Variants in STS observed in about 807,000 individuals in gnomAD.
STS encodes the protein steryl-sulfatase.
Under a neutral mutation model 26.8 loss-of-function variants are expected in STS, and 7 were observed. The observed-to-expected ratio is 0.26, with a 90% CI of 0.15 to 0.49. The LOEUF (loss-of-function observed/expected upper bound fraction) is 0.49. STS is among the 20% of genes least tolerant of loss of function. The pLI, the probability that STS is intolerant of heterozygous loss-of-function variation, is 0.98. For synonymous variants in STS, 199 were observed against 189.4 expected (o/e 1.05, Z -0.42); for missense variants, 434 against 465.6 (o/e 0.93, Z 0.63).
At chrX:7,222,781 G>T (rs1001528418) in intron 2 of STS, among the ~76,000 whole-genome samples, 6 of 110,197 alleles carry the variant, frequency 5.4e-5, no homozygotes, top group African/African-American at 2.0e-4. Context: ...ATATTTAGGG[G>T]GTACAAGTAT....
Position 7,336,395 on chromosome X carries a change from G to A in STS, c.1363+2288G>A, listed in dbSNP as rs747563524. On this transcript the variant is annotated intron_variant, in intron 10 of 10. Coordinates refer to ENST00000674429, the MANE Select transcript of STS (RefSeq NM_001320752.2). The stretch of plus-strand genomic sequence containing the variant: ...CCCAAGACTTATCATTTAAAGAAAA[G>A]CCTCTCTTTTATTTTTACAACTTTT... 6.3e-5 allele frequency among the ~76,000 whole-genome samples: 7 copies of A among 111,397 alleles called. No individual in the cohort carries two copies. The East Asian group carries it at 1.4e-3, about 22-fold the overall frequency.
At chrX:7,326,920 A>G (rs1205816215) in intron 9 of STS, among the ~76,000 whole-genome samples, 1 of 111,697 alleles carries the variant, frequency 9.0e-6, no homozygotes, top group Non-Finnish European at 1.9e-5. Context: ...CTCAACACAC[A>G]CACAGACACA....
intron 2 of STS, among the ~76,000 whole-genome samples, chrX:7,238,157 TGTGTAC>T (rs1451681506): frequency 7.4e-5 from 7 of 94,678 alleles, no homozygotes; most frequent in Admixed American, 1.2e-4. Flanking sequence ...TGTGTGTGTG[TGTGTAC>T]ACACAATGCG....
At chrX:7,209,549 G>A (rs867451339) in intron 2 of STS, among the ~76,000 whole-genome samples, 5 of 47,908 alleles carry the variant, frequency 1.0e-4, no homozygotes, top group East Asian at 7.2e-4. Flanking sequence ...AAATGAATTC[G>A]AATAGATGAA....
chrX:7,348,208 G>A (rs893232507), intron 10 of STS, among the ~76,000 whole-genome samples: 8 of 111,661 alleles, frequency 7.2e-5, no homozygotes, highest in African/African-American at 2.0e-4. Context: ...ACACAAAGAG[G>A]CTGACTTTTA....
chrX:7,283,026 C>T (rs2147115247), intron 7 of STS, among the ~76,000 whole-genome samples: 1 of 111,687 alleles, frequency 9.0e-6, no homozygotes, highest in African/African-American at 3.2e-5. Flanking sequence ...CTGTAAGACC[C>T]AAAAAAACAA....
chrX:7,318,865 C>T (rs1339543268), intron 8 of STS, among the ~76,000 whole-genome samples: 2 of 111,063 alleles, frequency 1.8e-5, no homozygotes, highest in African/African-American at 3.3e-5. Flanking sequence ...CTTCTTTGCA[C>T]CCAAGCAGAA....
intron 7 of STS, among the ~76,000 whole-genome samples, chrX:7,289,517 C>T (rs182899821): frequency 9.0e-6 from 1 of 111,397 alleles, no homozygotes; most frequent in East Asian, 2.8e-4. Context: ...CTTCCCCAAG[C>T]AGTGAGGAGG....
chrX:7,150,597 G>A (rs1419005929), intron 1 of STS, among the ~76,000 whole-genome samples: 1 of 112,285 alleles, frequency 8.9e-6, no homozygotes, highest in Non-Finnish European at 1.9e-5. Context: ...AGCGATTGTG[G>A]AAGAGACAGA....
chrX:7,243,830 G>A (rs899794076), intron 2 of STS, among the ~76,000 whole-genome samples: 5 of 111,460 alleles, frequency 4.5e-5, no homozygotes, highest in African/African-American at 1.6e-4. Context: ...TTGGGAGGCC[G>A]AGGCAGGTGG....
chrX:7,327,313 G>T (rs1354687073), intron 9 of STS, among the ~76,000 whole-genome samples: 1 of 110,558 alleles, frequency 9.0e-6, no homozygotes, highest in African/African-American at 3.3e-5. Flanking sequence ...GAGACTAGTG[G>T]GTGCTATGGC....
At chrX:7,339,728 T>C (rs1191160848) in intron 10 of STS, among the ~76,000 whole-genome samples, 1 of 112,022 alleles carries the variant, frequency 8.9e-6, no homozygotes, top group East Asian at 2.8e-4. Context: ...CATTATCATC[T>C]AGACACATCA....
intron 9 of STS, among the ~76,000 whole-genome samples, chrX:7,329,507 A>C (rs1170817778): frequency 8.9e-6 from 1 of 112,588 alleles, no homozygotes; most frequent in South Asian, 3.7e-4. Context: ...CCATCTATAA[A>C]TGTGATACAC....
intron 10 of STS, among the ~76,000 whole-genome samples, chrX:7,343,955 C>T (rs1928409956): frequency 8.9e-6 from 1 of 112,486 alleles, no homozygotes; most frequent in Non-Finnish European, 1.9e-5. Context: ...TTTTTCTATA[C>T]TGCCTATGGA....
intron 8 of STS, among the ~76,000 whole-genome samples, chrX:7,310,249 G>A (rs1160335249): frequency 8.9e-6 from 1 of 112,129 alleles, no homozygotes; most frequent in East Asian, 2.8e-4. Flanking sequence ...TTTTCCATCA[G>A]GGCTGTTGAC....
At chrX:7,344,330 C>T (rs1480341077) in intron 10 of STS, among the ~76,000 whole-genome samples, 1 of 111,528 alleles carries the variant, frequency 9.0e-6, no homozygotes, top group Non-Finnish European at 1.9e-5. Context: ...GCATCCGTGG[C>T]CTCTCCCTAC....
At chrX:7,348,500 A>G (rs947464495) in intron 10 of STS, among the ~76,000 whole-genome samples, 1 of 111,968 alleles carries the variant, frequency 8.9e-6, no homozygotes, top group Non-Finnish European at 1.9e-5. Flanking sequence ...ATGCATTTTA[A>G]TTCTCTGTTT....
rs1238459586 is a variant in STS at position 7,147,773 on chromosome X, G to A, written c.-444G>A. 1.8e-5 allele frequency: 2 copies of A among 113,939 alleles called. No individual in the cohort carries two copies. The highest frequency in any genetic ancestry group is 3.7e-5 in the Non-Finnish European group (2 of 54,657). 9.4% of individuals were successfully genotyped at this position (113,939 alleles called of 1,213,427 possible). On this transcript the variant is annotated 5_prime_UTR_variant, in exon 1 of 11. The change creates a new upstream start codon in the 5' untranslated region. Transcript: ENST00000674429. ...GGTGGACCCCAGGGACTGCTCCCAC[G>A]TGCTCCGGCCCCACGCGCGGGCCGC...
In STS at chrX:7,219,489, G is replaced by C. The variant is rs755466087; in HGVS notation, c.-5+28481G>C. On this transcript the variant is annotated intron_variant, in intron 2 of 10. Transcript: ENST00000674429. ...GTTGGCCAAGCCTCCAGCAGCTGAC[G>C]GGACCCAGCTGTAGTGAGGTTGCAG... 13 of 1,124,500 alleles carry C rather than the reference G, an allele frequency of 1.2e-5. No individual in the cohort carries two copies. In the Admixed American group the frequency reaches 2.8e-4, roughly 24 times the overall value. 92.7% of individuals were successfully genotyped at this position (1,124,500 alleles called of 1,213,427 possible).
Sources: gnomAD v4.1 joint callset for allele counts (sites outside exome capture counted in the v4.1 genomes callset) on GRCh38, gnomAD v4.1.1 for gene constraint, MANE v1.5 for transcripts, NCBI Gene and HGNC (gene_info 2026-07-23, HGNC 2026-07-21) for gene names.